The following AGBL4 variants were observed in gnomAD, a reference collection of about 807,000 sequenced individuals.
The protein encoded by AGBL4 is cytosolic carboxypeptidase 6.
A neutral mutation model predicts 66.4 loss-of-function variants in AGBL4; 58 were observed. The observed-to-expected ratio is 0.87, with a 90% CI of 0.71 to 1.09. AGBL4 has a LOEUF of 1.09. AGBL4 is among the 50% of genes least tolerant of loss of function. AGBL4 has a pLI of 0.00. For synonymous variants in AGBL4, 234 were observed against 222.9 expected (o/e 1.05, Z -0.44); for missense variants, 579 against 631.0 (o/e 0.92, Z 0.88).
At chr1:49,540,739 T>C (rs1651946061) in intron 3 of AGBL4, among the ~76,000 whole-genome samples, 1 of 152,230 alleles carries the variant, frequency 6.6e-6, no homozygotes, top group African/African-American at 2.4e-5. Context: ...ACTTGAATCA[T>C]AATGAATCAT....
intron 3 of AGBL4, among the ~76,000 whole-genome samples, chr1:49,437,054 G>A (rs927017885): frequency 4.6e-5 from 7 of 152,162 alleles, no homozygotes; most frequent in Non-Finnish European, 8.8e-5. Flanking sequence ...AGAATTCCAC[G>A]GTGGTGGGGA....
chr1:48,590,523 C>A (rs1389141049), intron 10 of AGBL4, among the ~76,000 whole-genome samples: 3 of 152,008 alleles, frequency 2.0e-5, no homozygotes, highest in Non-Finnish European at 4.4e-5. Flanking sequence ...ACCACTGCAC[C>A]CCGGCCTGAG....
At chr1:48,529,782 G>A (rs1180515903), downstream of AGBL4, among the ~76,000 whole-genome samples, 1 of 152,152 alleles carries the variant, frequency 6.6e-6, no homozygotes, top group Non-Finnish European at 1.5e-5. Context: ...AACCCAGAGA[G>A]TGTCACGATG....
intron 6 of AGBL4, among the ~76,000 whole-genome samples, chr1:48,737,112 T>C (rs1469776427): frequency 6.6e-6 from 1 of 151,804 alleles, no homozygotes; most frequent in African/African-American, 2.4e-5. Context: ...TAAAACTCCA[T>C]CTCTACTAAA....
At chr1:48,530,771 T>C (rs1403456323), downstream of AGBL4, among the ~76,000 whole-genome samples, 2 of 152,200 alleles carry the variant, frequency 1.3e-5, no homozygotes, top group African/African-American at 4.8e-5. Context: ...TTGAGACCTG[T>C]CATGATCCCT....
intron 1 of AGBL4, among the ~76,000 whole-genome samples, chr1:49,880,454 C>T (rs1246900279): frequency 1.3e-5 from 2 of 152,092 alleles, no homozygotes; most frequent in South Asian, 2.1e-4. Context: ...CTGGGGGGTG[C>T]CTCCCAGTTA....
chr1:49,245,945 C>T, intron 3 of AGBL4, 81 bp from the exon 4 acceptor site: 2 of 1,118,264 alleles, frequency 1.8e-6, no homozygotes, highest in Non-Finnish European at 2.6e-6. Context: ...AAATAAGAAA[C>T]AGGGTTAAAG....
chr1:49,239,188 G>A (rs1247378837), intron 4 of AGBL4, among the ~76,000 whole-genome samples: 1 of 151,908 alleles, frequency 6.6e-6, no homozygotes, highest in East Asian at 1.9e-4. Flanking sequence ...TCATTTTATG[G>A]CTCCTAAAGT....
chr1:48,680,535 C>A (rs1437126793), intron 6 of AGBL4, among the ~76,000 whole-genome samples: 1 of 152,208 alleles, frequency 6.6e-6, no homozygotes, highest in Non-Finnish European at 1.5e-5. Flanking sequence ...CCGACCCTGT[C>A]CCAGAGGATA....
At chr1:48,823,366 A>G (rs1488077470) in intron 6 of AGBL4, among the ~76,000 whole-genome samples, 5 of 152,298 alleles carry the variant, frequency 3.3e-5, no homozygotes, top group African/African-American at 9.6e-5. Flanking sequence ...CTGGAGGCCT[A>G]TGCACACTCC....
At chr1:48,810,557 G>A (rs1413517865) in intron 6 of AGBL4, among the ~76,000 whole-genome samples, 1 of 152,276 alleles carries the variant, frequency 6.6e-6, no homozygotes, top group East Asian at 1.9e-4. Flanking sequence ...CAACTTCTTC[G>A]TGTGTAAAAA....
intron 3 of AGBL4, among the ~76,000 whole-genome samples, chr1:49,389,882 A>C (rs1644811488): frequency 6.6e-6 from 1 of 152,200 alleles, no homozygotes; most frequent in Non-Finnish European, 1.5e-5. Context: ...CTTGACTTAC[A>C]TAAAGGTATA....
At chr1:49,785,396 T>A (rs527893213) in intron 2 of AGBL4, among the ~76,000 whole-genome samples, 1 of 152,184 alleles carries the variant, frequency 6.6e-6, no homozygotes, top group South Asian at 2.1e-4. Flanking sequence ...ACATAATCAT[T>A]CCACAATGTA....
intron 5 of AGBL4, among the ~76,000 whole-genome samples, chr1:48,868,467 G>A (rs1434264130): frequency 6.6e-6 from 1 of 152,186 alleles, no homozygotes; most frequent in Non-Finnish European, 1.5e-5. Flanking sequence ...TTAGAGGGGA[G>A]AAACTGTCTG....
intron 3 of AGBL4, among the ~76,000 whole-genome samples, chr1:49,382,602 A>G (rs1339139500): frequency 6.6e-6 from 1 of 152,168 alleles, no homozygotes; most frequent in African/African-American, 2.4e-5. Flanking sequence ...AATTAGGAAC[A>G]AGGCAAGAAT....
At chr1:49,476,183 T>A (rs549450625) in intron 3 of AGBL4, among the ~76,000 whole-genome samples, 1 of 152,090 alleles carries the variant, frequency 6.6e-6, no homozygotes, top group South Asian at 2.1e-4. Flanking sequence ...TACCCAAAAG[T>A]CACTCAGGAG....
chr1:49,627,966 C>A (rs558125575), intron 3 of AGBL4, among the ~76,000 whole-genome samples: 41 of 152,258 alleles, frequency 2.7e-4, no homozygotes, highest in Admixed American at 5.2e-4. Flanking sequence ...TCCCAGATAT[C>A]CAATCGCAGA....
At chr1:49,537,799 T>C (rs754936134) in intron 3 of AGBL4, among the ~76,000 whole-genome samples, 14 of 152,144 alleles carry the variant, frequency 9.2e-5, no homozygotes, top group East Asian at 1.9e-4. Context: ...TGGTGGTGGG[T>C]GCCTGTAGTC....
At chr1:49,662,035 C>T (rs1435627095) in intron 3 of AGBL4, among the ~76,000 whole-genome samples, 1 of 151,744 alleles carries the variant, frequency 6.6e-6, no homozygotes, top group Non-Finnish European at 1.5e-5. Context: ...CTCAAGTAAT[C>T]ATGCTGAGTA....
Sources: gnomAD v4.1 joint callset for allele counts (sites outside exome capture counted in the v4.1 genomes callset) on GRCh38, gnomAD v4.1.1 for gene constraint, MANE v1.5 for transcripts, NCBI Gene and HGNC (gene_info 2026-07-23, HGNC 2026-07-21) for gene names.